The following CHST11 variants were observed in gnomAD, a reference collection of about 807,000 sequenced individuals.
CHST11 encodes C4S-1.
Under a neutral mutation model 30.4 loss-of-function variants are expected in CHST11, and 9 were observed. The observed-to-expected ratio is 0.30, with a 90% CI of 0.18 to 0.52. The LOEUF is 0.52. Among genes scored for constraint, CHST11 ranks in the 20% least tolerant of loss-of-function variants. CHST11 has a pLI of 0.97. For missense variants in CHST11, 348 were observed against 460.6 expected, an observed-to-expected ratio of 0.76 and a Z score of 2.24; for synonymous variants, 152 against 187.8, an observed-to-expected ratio of 0.81 and a Z score of 1.56.
At chr12:104,585,462 G>A (rs10861239) in intron 1 of CHST11, among the ~76,000 whole-genome samples, 39,273 of 152,104 alleles carry the variant, frequency 0.26, 5,189 homozygotes, top group African/African-American at 0.29. Flanking sequence ...TGGACAATTA[G>A]AAATGGGAAC....
At chr12:104,549,269 T>C (rs1795870) in intron 1 of CHST11, among the ~76,000 whole-genome samples, 90,734 of 151,976 alleles carry the variant, frequency 0.6, 27,696 homozygotes, top group East Asian at 0.98. Context: ...TCCTTCATTA[T>C]GGATCGACAT....
intron 1 of CHST11, among the ~76,000 whole-genome samples, chr12:104,537,728 C>T (rs2038250807): frequency 8.9e-6 from 1 of 111,978 alleles, no homozygotes. Context: ...CAGGGTCTCA[C>T]TCTGTTCCCT....
chr12:104,526,409 A>G (rs895950096), intron 1 of CHST11, among the ~76,000 whole-genome samples: 1 of 152,058 alleles, frequency 6.6e-6, no homozygotes, highest in African/African-American at 2.4e-5. Flanking sequence ...TATGTGCCTG[A>G]CTCTTTTCCC....
intron 2 of CHST11, among the ~76,000 whole-genome samples, chr12:104,613,554 G>A (rs537896244): frequency 1.3e-5 from 2 of 152,132 alleles, no homozygotes; most frequent in African/African-American, 4.8e-5. Flanking sequence ...TTGGTTGTTT[G>A]AAAGTGTGTA....
chr12:104,485,139 G>A lies in CHST11; in HGVS notation c.118+27610G>A, dbSNP rs372367140. Among the ~76,000 whole-genome samples, 3 of 152,138 alleles carry A rather than the reference G, an allele frequency of 2.0e-5. No individual in the cohort carries two copies. The East Asian group carries it at 5.8e-4, about 29-fold the overall frequency. On this transcript the variant is annotated intron_variant, in intron 1 of 2. Transcript: ENST00000303694. ...TGCTCCAGGACAGCGGGCCTCAGAGGTTCATGTGCTTAGAAATCACCTGAG... is the reference window on the plus strand; with the variant it reads ...TGCTCCAGGACAGCGGGCCTCAGAGATTCATGTGCTTAGAAATCACCTGAG...
At chr12:104,529,449 A>G (rs934366972) in intron 1 of CHST11, among the ~76,000 whole-genome samples, 1 of 152,182 alleles carries the variant, frequency 6.6e-6, no homozygotes, top group African/African-American at 2.4e-5. Context: ...GTAGCCCAGT[A>G]CTTGTTTTAT....
At chr12:104,668,721 G>A (rs1226829415) in intron 2 of CHST11, among the ~76,000 whole-genome samples, 1 of 152,184 alleles carries the variant, frequency 6.6e-6, no homozygotes, top group Non-Finnish European at 1.5e-5. Context: ...CCCCATAGAT[G>A]TATGGGTCAT....
At chr12:104,617,139 G>T (rs562591990) in intron 2 of CHST11, among the ~76,000 whole-genome samples, 160 of 152,294 alleles carry the variant, frequency 1.1e-3, no homozygotes, top group Middle Eastern at 3.4e-3. Flanking sequence ...GAGAAATGTG[G>T]CATTGAACGG....
chr12:104,749,719 G>A (rs1159048008), intron 2 of CHST11, among the ~76,000 whole-genome samples: 1 of 152,214 alleles, frequency 6.6e-6, no homozygotes, highest in Non-Finnish European at 1.5e-5. Context: ...CTCAGGGAAC[G>A]TGTTAGTTGC....
intron 2 of CHST11, among the ~76,000 whole-genome samples, chr12:104,703,525 G>T (rs567976798): frequency 2.3e-4 from 35 of 152,226 alleles, no homozygotes; most frequent in African/African-American, 8.2e-4. Flanking sequence ...TTCTTCTCCA[G>T]TCTCACCTGG....
chr12:104,470,381 C>T (rs867364550), intron 1 of CHST11, among the ~76,000 whole-genome samples: 6 of 152,104 alleles, frequency 3.9e-5, no homozygotes, highest in Admixed American at 1.3e-4. Context: ...AGGGGAAATA[C>T]CAGACACTGA....
At chr12:104,587,756 GATTTATTT>G (rs71829896) in intron 1 of CHST11, among the ~76,000 whole-genome samples, 3,626 of 147,746 alleles carry the variant, frequency 0.025, 95 homozygotes, top group African/African-American at 0.066. Context: ...TGAATCTTAA[GATTTATTT>G]ATTTATTTAT....
chr12:104,746,761 A>G (rs2040391582), intron 2 of CHST11, among the ~76,000 whole-genome samples: 1 of 152,190 alleles, frequency 6.6e-6, no homozygotes, highest in Non-Finnish European at 1.5e-5. Flanking sequence ...TACGTTTTGT[A>G]CCAGGTCCAG....
chr12:104,497,022 A>G (rs977401996), intron 1 of CHST11, among the ~76,000 whole-genome samples: 4 of 152,254 alleles, frequency 2.6e-5, no homozygotes, highest in Non-Finnish European at 5.9e-5. Flanking sequence ...GGATGAGAAT[A>G]CCTGCCTCCT....
Position 104,759,705 on chromosome 12 carries a change from TATTTATAAA to T in CHST11, c.*1904_*1912del, listed in dbSNP as rs1244544524. On this transcript the variant is annotated 3_prime_UTR_variant, in exon 3 of 3. Coordinates refer to ENST00000303694, the MANE Select transcript of CHST11 (RefSeq NM_018413.6). ...GTGGGCCGGAGAAGGTAGCTGAAGC[TATTTATAAA>T]ACGTTGTGTACCTTCTTCCGAGCTC... The T allele has an allele frequency of 5.3e-5, 8 of 152,310 alleles. No individual in the cohort carries two copies. The East Asian group carries it at 1.2e-3, about 22-fold the overall frequency. 9.4% of individuals were successfully genotyped at this position (152,310 alleles called of 1,614,324 possible).
chr12:104,510,422 G>A (rs558137864), intron 1 of CHST11, among the ~76,000 whole-genome samples: 22 of 152,292 alleles, frequency 1.4e-4, no homozygotes, highest in Non-Finnish European at 2.5e-4. Context: ...ATGTTACTTC[G>A]TGCTGTTCTT....
At chr12:104,664,304 G>A (rs2039623403) in intron 2 of CHST11, among the ~76,000 whole-genome samples, 1 of 152,126 alleles carries the variant, frequency 6.6e-6, no homozygotes, top group African/African-American at 2.4e-5. Flanking sequence ...GAAAAATGAG[G>A]ATGCTAACAA....
chr12:104,575,416 A>T (rs947399151), intron 1 of CHST11, among the ~76,000 whole-genome samples: 2 of 152,162 alleles, frequency 1.3e-5, no homozygotes, highest in Non-Finnish European at 2.9e-5. Context: ...GGATGAGGCC[A>T]TGTCAGGTGG....
intron 1 of CHST11, among the ~76,000 whole-genome samples, chr12:104,499,047 G>A (rs993186070): frequency 6.6e-6 from 1 of 152,056 alleles, no homozygotes; most frequent in African/African-American, 2.4e-5. Flanking sequence ...TTCCTCCCAT[G>A]GCTGGTTTAA....
Sources: allele counts gnomAD v4.1 joint callset (sites outside exome capture counted in the v4.1 genomes callset), GRCh38; gene constraint gnomAD v4.1.1; transcripts MANE v1.5; gene names NCBI Gene and HGNC (gene_info 2026-07-23, HGNC 2026-07-21).